POC1B: variants seen among roughly 807,000 people sequenced by gnomAD.
POC1B encodes the protein POC1 centriolar protein homolog B.
A neutral mutation model predicts 60.6 loss-of-function variants in POC1B; 44 were observed. The observed-to-expected ratio is 0.73, with a 90% CI of 0.57 to 0.93. The LOEUF is 0.93. POC1B is among the 40% of genes least tolerant of loss of function. The pLI is 0.00. For missense variants in POC1B, 555 were observed against 572.3 expected, an observed-to-expected ratio of 0.97 and a Z score of 0.31; for synonymous variants, 180 against 198.9, an observed-to-expected ratio of 0.90 and a Z score of 0.80.
intron 2 of POC1B, among the ~76,000 whole-genome samples, chr12:89,517,698 C>A (rs1870512751): frequency 6.6e-6 from 1 of 151,620 alleles, no homozygotes; most frequent in Non-Finnish European, 1.5e-5. Flanking sequence ...TCCTTTGTTT[C>A]ATCATGTTGT....
downstream of POC1B, among the ~76,000 whole-genome samples, chr12:89,418,324 A>T (rs1592570585): frequency 6.6e-6 from 1 of 152,198 alleles, no homozygotes; most frequent in African/African-American, 2.4e-5. Flanking sequence ...AGTGAGGATT[A>T]TTCAAGGAGA....
chr12:89,491,684 GCT>G (rs1565747500), intron 4 of POC1B, among the ~76,000 whole-genome samples: 1 of 149,518 alleles, frequency 6.7e-6, no homozygotes, highest in East Asian at 2.0e-4. Context: ...TTCTAACCCA[GCT>G]CTTTCTCCAT....
chr12:89,518,592 T>C (rs1460086507), intron 2 of POC1B, among the ~76,000 whole-genome samples: 1 of 152,204 alleles, frequency 6.6e-6, no homozygotes, highest in Non-Finnish European at 1.5e-5. Flanking sequence ...TGCACAACTT[T>C]TATCACAAAT....
intron 2 of POC1B, chr12:89,524,008 T>A: frequency 6.2e-7 from 1 of 1,613,726 alleles, no homozygotes; most frequent in Non-Finnish European, 8.5e-7. Context: ...TGTCTTCAAA[T>A]AAACTCTGTC....
At chr12:89,465,395 C>T (rs1173596949) in intron 9 of POC1B, among the ~76,000 whole-genome samples, 1 of 152,118 alleles carries the variant, frequency 6.6e-6, no homozygotes, top group African/African-American at 2.4e-5. Flanking sequence ...TTCTGCCACC[C>T]AACACCCTGG....
At chr12:89,453,915 T>G (rs575779602) in intron 10 of POC1B, among the ~76,000 whole-genome samples, 30 of 152,338 alleles carry the variant, frequency 2.0e-4, no homozygotes, top group African/African-American at 7.0e-4. Context: ...ATACACCATA[T>G]GACAATCTCC....
chr12:89,522,717 T>A, intron 2 of POC1B: 1 of 1,478,382 alleles, frequency 6.8e-7, no homozygotes, highest in Non-Finnish European at 9.0e-7. Flanking sequence ...GCTAGGTGGC[T>A]TTTGATAAAA....
intron 10 of POC1B, among the ~76,000 whole-genome samples, chr12:89,458,734 A>G (rs1882358187): frequency 6.6e-6 from 1 of 152,224 alleles, no homozygotes; most frequent in Non-Finnish European, 1.5e-5. Flanking sequence ...CAAATTAAAA[A>G]TGTACCCAAA....
At chr12:89,505,547 A>G (rs1440350719) in intron 2 of POC1B, among the ~76,000 whole-genome samples, 1 of 152,240 alleles carries the variant, frequency 6.6e-6, no homozygotes, top group Non-Finnish European at 1.5e-5. Context: ...AAACATAGTG[A>G]TTATGTGGAT....
chr12:89,500,802 G>A (rs1869525989), intron 2 of POC1B: 3 of 1,003,548 alleles, frequency 3.0e-6, no homozygotes, highest in South Asian at 2.9e-5. Flanking sequence ...AACATCAGAA[G>A]GACAAGAAAG....
chr12:89,503,231 C>G (rs1215462197), intron 2 of POC1B, among the ~76,000 whole-genome samples: 6 of 152,112 alleles, frequency 3.9e-5, no homozygotes, highest in African/African-American at 1.4e-4. Context: ...TCTCCTGCCT[C>G]AGCCTGCCGA....
At chr12:89,437,814 G>A (rs1172864661) in intron 10 of POC1B, among the ~76,000 whole-genome samples, 3 of 151,926 alleles carry the variant, frequency 2.0e-5, no homozygotes, top group Non-Finnish European at 2.9e-5. Context: ...TTGGGAGGCC[G>A]AGACGGGTGG....
At chr12:89,503,633 G>T (rs1442243814) in intron 2 of POC1B, among the ~76,000 whole-genome samples, 2 of 151,554 alleles carry the variant, frequency 1.3e-5, no homozygotes, top group African/African-American at 4.9e-5. Flanking sequence ...GAGATGTGGG[G>T]AGCGCCTCTG....
At chr12:89,408,471 G>A in the POC1B span, among the ~76,000 whole-genome samples, 21 of 148,748 alleles carry the variant, frequency 1.4e-4, 1 homozygote, top group African/African-American at 4.9e-4. Context: ...AGCATGTGTT[G>A]TTTCCTGACT....
In POC1B at chr12:89,457,354, C is replaced by T. The variant is rs534566257; in HGVS notation, c.1113+2284G>A. The stretch of plus-strand genomic sequence containing the variant: ...AAGTAATTTTATTTTAGTTTTCTAA[C>T]CAATTATCTATCATTGAACTAAAAG... On this transcript the variant is annotated intron_variant, in intron 10 of 11. Transcript: ENST00000313546. Among the ~76,000 whole-genome samples, 8 of 152,204 alleles carry T rather than the reference C, an allele frequency of 5.3e-5. No individual in the cohort carries two copies. The South Asian group carries it at 1.4e-3, about 28-fold the overall frequency.
At chr12:89,431,479 G>A (rs950272220) in intron 10 of POC1B, among the ~76,000 whole-genome samples, 1 of 151,836 alleles carries the variant, frequency 6.6e-6, no homozygotes, top group Non-Finnish European at 1.5e-5. Context: ...ACACACGTAT[G>A]TATAAAACGT....
the POC1B span, among the ~76,000 whole-genome samples, chr12:89,412,357 CT>C: frequency 0.48 from 65,660 of 137,882 alleles, 15,509 homozygotes; most frequent in Non-Finnish European, 0.58. Flanking sequence ...TTTCTTTTTT[CT>C]TTTTTTTTTT....
chr12:89,524,424 C>T, intron 2 of POC1B: 2 of 1,613,960 alleles, frequency 1.2e-6, no homozygotes, highest in Non-Finnish European at 1.7e-6. Flanking sequence ...ACCCCAGCTC[C>T]CTGGCACGGC....
intron 9 of POC1B, among the ~76,000 whole-genome samples, chr12:89,464,484 T>G (rs906252800): frequency 8.4e-5 from 1 of 11,888 alleles, no homozygotes; most frequent in African/African-American, 3.7e-4. Flanking sequence ...TTTATAAGAG[T>G]TTTTTTTTTT....
Sources: gnomAD v4.1 joint callset for allele counts (sites outside exome capture counted in the v4.1 genomes callset) on GRCh38, gnomAD v4.1.1 for gene constraint, MANE v1.5 for transcripts, NCBI Gene and HGNC (gene_info 2026-07-23, HGNC 2026-07-21) for gene names.